Variants in RGL1 observed in about 807,000 individuals in gnomAD.
RGL1 encodes ral guanine nucleotide dissociation stimulator like 1.
A neutral mutation model predicts 95.2 loss-of-function variants in RGL1; 24 were observed. The observed-to-expected ratio is 0.25, with a 90% CI of 0.18 to 0.35. The LOEUF is 0.35. Among genes scored for constraint, RGL1 ranks in the 10% least tolerant of loss-of-function variants. The pLI is 1.00. For missense variants in RGL1, 715 were observed against 936.3 expected (o/e 0.76, Z 3.08); for synonymous variants, 329 against 344.9 (o/e 0.95, Z 0.51).
chr1:183,847,174 T>C (rs1664498068), intron 2 of RGL1, among the ~76,000 whole-genome samples: 1 of 152,126 alleles, frequency 6.6e-6, no homozygotes, highest in South Asian at 2.1e-4. Context: ...GTAAGCTGCA[T>C]GCAGTGGCTC....
chr1:183,827,504 T>C (rs1363536714), intron 2 of RGL1, among the ~76,000 whole-genome samples: 2 of 152,266 alleles, frequency 1.3e-5, no homozygotes, highest in African/African-American at 4.8e-5. Flanking sequence ...GTTACTCTCA[T>C]GTCTTTTTGG....
chr1:183,833,249 G>A (rs748209341), intron 2 of RGL1, among the ~76,000 whole-genome samples: 2 of 152,144 alleles, frequency 1.3e-5, no homozygotes, highest in African/African-American at 2.4e-5. Context: ...TTACAAATGA[G>A]GAAACTAAGA....
chr1:183,859,368 G>T (rs1380668093), intron 3 of RGL1, among the ~76,000 whole-genome samples: 2 of 152,180 alleles, frequency 1.3e-5, no homozygotes, highest in Non-Finnish European at 2.9e-5. Flanking sequence ...TGGCAGGAGA[G>T]AACTTTTTTT....
intron 2 of RGL1, among the ~76,000 whole-genome samples, chr1:183,789,381 T>G (rs567838485): frequency 2.5e-4 from 38 of 151,348 alleles, no homozygotes; most frequent in Admixed American, 5.3e-4. Flanking sequence ...ACCCGGGAGG[T>G]GGAGGTTGTA....
Position 183,805,218 on chromosome 1 carries a change from G to C in RGL1, c.-80G>C. 1 of 1,578,068 alleles carries C rather than the reference G, an allele frequency of 6.3e-7. No individual in the cohort carries two copies. Among genetic ancestry groups the C allele is most frequent in the Non-Finnish European group, 8.6e-7 (1 of 1,162,684 alleles). ...CCGGGACCGGGGCGAGGCGCCGCGG[G>C]GCTGAGCCCAGCAGACATTGCGTTG... On this transcript the variant is annotated 5_prime_UTR_variant, in exon 1 of 18. Transcript: ENST00000360851.
chr1:183,744,876 T>G (rs1325119765), intron 2 of RGL1, among the ~76,000 whole-genome samples: 1 of 151,936 alleles, frequency 6.6e-6, no homozygotes, highest in Non-Finnish European at 1.5e-5. Flanking sequence ...TATGCTAGAG[T>G]TTTTTCTAGC....
At chr1:183,760,049 C>CA (rs34531055) in intron 2 of RGL1, among the ~76,000 whole-genome samples, 107,022 of 151,524 alleles carry the variant, frequency 0.71, 38,262 homozygotes, top group East Asian at 0.91. Flanking sequence ...GCAAATATTG[C>CA]ACAAAGTAAG....
rs150257906 is a variant in RGL1 at position 183,912,211 on chromosome 1, A to G, written c.1692A>G (p.Ser564=). ...TGTCATCCTGCGAGTCGAACCACTCAGAGGCTGAGGAGGGCTCCATTACTC... is the reference window on the plus strand; with the variant it reads ...TGTCATCCTGCGAGTCGAACCACTCGGAGGCTGAGGAGGGCTCCATTACTC... ...VSVSSCESNH[S]EAEEGSITPM... The change falls in exon 15 of 18, where the codon TCA becomes TCG. Residue 564 remains serine, a synonymous_variant. Coordinates refer to ENST00000360851, the MANE Select transcript of RGL1 (RefSeq NM_001297671.3). The G allele has an allele frequency of 8.9e-5, 143 of 1,614,002 alleles. No homozygotes were observed. The highest frequency in any genetic ancestry group is 5.0e-4 in the Admixed American group (30 of 59,998).
At chr1:183,854,198 T>C (rs1049795176) in intron 3 of RGL1, among the ~76,000 whole-genome samples, 3 of 152,212 alleles carry the variant, frequency 2.0e-5, no homozygotes, top group Non-Finnish European at 4.4e-5. Context: ...TGGAGAGCTG[T>C]ACCCAAATAA....
At chr1:183,820,696 G>A (rs1300368562) in intron 2 of RGL1, among the ~76,000 whole-genome samples, 1 of 152,130 alleles carries the variant, frequency 6.6e-6, no homozygotes, top group Admixed American at 6.5e-5. Flanking sequence ...TAATTGAAAT[G>A]TTCTGTACCT....
chr1:183,913,097 C>T (rs960178163), intron 15 of RGL1, among the ~76,000 whole-genome samples: 1 of 149,974 alleles, frequency 6.7e-6, no homozygotes, highest in African/African-American at 2.5e-5. Context: ...GAATTTCCGT[C>T]GAGTTTCTAT....
chr1:183,796,142 T>A (rs937310567), intron 2 of RGL1, among the ~76,000 whole-genome samples: 1 of 151,768 alleles, frequency 6.6e-6, no homozygotes, highest in Non-Finnish European at 1.5e-5. Flanking sequence ...TATAAGCCAA[T>A]GAGGAAGGTG....
chr1:183,798,933 C>T (rs1483365570), intron 2 of RGL1, among the ~76,000 whole-genome samples: 1 of 121,220 alleles, frequency 8.2e-6, no homozygotes, highest in African/African-American at 3.2e-5. Context: ...CAGGCTGAGT[C>T]TTGCTCTGTC....
chr1:183,680,025 G>T (rs1226619718), intron 1 of RGL1, among the ~76,000 whole-genome samples: 1 of 152,146 alleles, frequency 6.6e-6, no homozygotes, highest in African/African-American at 2.4e-5. Context: ...CTTTTGAGAA[G>T]TGTCTGTTCA....
intron 3 of RGL1, among the ~76,000 whole-genome samples, chr1:183,860,218 C>T (rs917458599): frequency 6.6e-6 from 1 of 152,114 alleles, no homozygotes; most frequent in Non-Finnish European, 1.5e-5. Flanking sequence ...TTTCACTATC[C>T]CCAATAAAGT....
intron 2 of RGL1, among the ~76,000 whole-genome samples, chr1:183,759,199 GAC>G (rs1366206637): frequency 6.6e-6 from 1 of 152,210 alleles, no homozygotes; most frequent in Non-Finnish European, 1.5e-5. Context: ...TGCATGGGAA[GAC>G]ACGATTGTGG....
chr1:183,861,973 AT>A (rs1558255452), intron 3 of RGL1, among the ~76,000 whole-genome samples: 7 of 152,194 alleles, frequency 4.6e-5, no homozygotes, highest in Non-Finnish European at 1.0e-4. Context: ...TAGCCTGAAC[AT>A]TTAAAGAGTT....
At chr1:183,684,904 C>A (rs1037632454) in intron 1 of RGL1, among the ~76,000 whole-genome samples, 3 of 152,192 alleles carry the variant, frequency 2.0e-5, no homozygotes, top group African/African-American at 7.2e-5. Flanking sequence ...TCGGCTCACC[C>A]TCCATGGGCT....
intron 2 of RGL1, among the ~76,000 whole-genome samples, chr1:183,811,625 A>G (rs1661719329): frequency 6.6e-6 from 1 of 152,264 alleles, no homozygotes; most frequent in Admixed American, 6.5e-5. Context: ...CTACCAATCA[A>G]GAAAATTTAG....
Sources: gnomAD v4.1 joint callset for allele counts (sites outside exome capture counted in the v4.1 genomes callset) on GRCh38, gnomAD v4.1.1 for gene constraint, MANE v1.5 for transcripts, NCBI Gene and HGNC (gene_info 2026-07-23, HGNC 2026-07-21) for gene names.